Variants in CARMIL3 observed in about 807,000 individuals in gnomAD.
CARMIL3 encodes capping protein regulator and myosin 1 linker 3.
A neutral mutation model predicts 180.8 loss-of-function variants in CARMIL3; 88 were observed. The ratio of observed to expected loss-of-function variants is 0.49; its 90% CI spans 0.41 to 0.58. The LOEUF is 0.58. CARMIL3 is among the 20% of genes least tolerant of loss of function. CARMIL3 has a pLI of 0.00. For synonymous variants in CARMIL3, 696 were observed against 714.5 expected, an observed-to-expected ratio of 0.97 and a Z score of 0.41; for missense variants, 1,548 against 1,787.0, an observed-to-expected ratio of 0.87 and a Z score of 2.41.
chr14:24,053,542 A>G (rs1297387705), intron 1 of CARMIL3, among the ~76,000 whole-genome samples, 167 bp from the exon 2 acceptor site: 1 of 152,214 alleles, frequency 6.6e-6, no homozygotes, highest in African/African-American at 2.4e-5. Flanking sequence ...AGACAGTGTG[A>G]AAAGTCACCC....
intron 1 of CARMIL3, 41 bp downstream of exon 1, chr14:24,052,234 G>A: frequency 6.4e-7 from 1 of 1,552,528 alleles, no homozygotes; most frequent in Non-Finnish European, 8.7e-7. Flanking sequence ...CCGTCCGGGA[G>A]CATCCCAGAC....
chr14:24,052,104 CCGGCGG>C lies in CARMIL3; in HGVS notation c.-39_-34del. On this transcript the variant is annotated 5_prime_UTR_variant, in exon 1 of 40. Transcript: ENST00000342740. Reference sequence around the variant, plus strand: ...CGGGTCTAGCATGTGCCGCGGCTCCCCGGCGGCGGCGGCGGCTCCTCTGCAGCAGCC... The same window carrying C: ...CGGGTCTAGCATGTGCCGCGGCTCCCCGGCGGCGGCTCCTCTGCAGCAGCC... The C allele has an allele frequency of 6.6e-7, 1 of 1,522,012 alleles. No homozygotes were observed. 94.3% of individuals were successfully genotyped at this position (1,522,012 alleles called of 1,614,324 possible). A position where few individuals can be genotyped will look rare whatever the true frequency, so the allele number is the denominator to read the frequency against.
rs1158873328 is a variant in CARMIL3 at position 24,060,923 on chromosome 14, C to T, written c.2191-4C>T. The stretch of plus-strand genomic sequence containing the variant: ...CTGCTAATCATAACCCCTTCCTTCT[C>T]CAGCTGTTTCCCAGCCTCTATGAGC... On this transcript the variant is annotated splice_region_variant and splice_polypyrimidine_tract_variant and intron_variant, in intron 25 of 39. Coordinates refer to ENST00000342740, the MANE Select transcript of CARMIL3 (RefSeq NM_138360.4). 6.4e-7 allele frequency: 1 copy of T among 1,551,466 alleles called. No individual in the cohort carries two copies. Among genetic ancestry groups the T allele is most frequent in the Admixed American group, 2.0e-5 (1 of 50,998 alleles).
Position 24,061,736 on chromosome 14 carries a change from G to T in CARMIL3, c.2480+64G>T. The T allele has an allele frequency of 6.6e-7, 1 of 1,521,846 alleles. No homozygotes were observed. 94.3% of individuals were successfully genotyped at this position (1,521,846 alleles called of 1,614,324 possible). The stretch of plus-strand genomic sequence containing the variant: ...TGGCCCAGATCACTTAGGGACTTAG[G>T]ACTGGAGAGCTATCAGCAATGAATA... On this transcript the variant is annotated intron_variant, in intron 27 of 39. Coordinates refer to ENST00000342740, the MANE Select transcript of CARMIL3 (RefSeq NM_138360.4). The surrounding 1 kb of genome is among the most constrained non-coding windows in gnomAD (Gnocchi z 4.1).
rs2035686649 is a variant in CARMIL3, at chr14:24,057,795, C to T, written c.1141-8C>T. 1 of 1,607,546 alleles carries T rather than the reference C, an allele frequency of 6.2e-7. No homozygotes were observed. Among genetic ancestry groups the T allele is most frequent in the Non-Finnish European group, 8.5e-7 (1 of 1,179,256 alleles). On this transcript the variant is annotated splice_polypyrimidine_tract_variant and splice_region_variant and intron_variant, in intron 14 of 39. Transcript: ENST00000342740. ...CTCCCCTGAGACCCACCATATCTCC[C>T]CCCACAGCTTCTCGGTGCCCTGCTC...
chr14:24,059,239 G>A lies in CARMIL3; in HGVS notation c.1627-31G>A. The A allele has an allele frequency of 6.2e-7, 1 of 1,613,790 alleles. No homozygotes were observed. Among genetic ancestry groups the A allele is most frequent in the South Asian group, 1.1e-5 (1 of 91,068 alleles). On this transcript the variant is annotated intron_variant, in intron 20 of 39. Transcript: ENST00000342740. The surrounding 1 kb of genome is among the most constrained non-coding windows in gnomAD (Gnocchi z 6.3). Reference sequence around the variant, plus strand: ...ACCTGCAGTCGGAGGAGGCTGTGGGGACTGGGTCCAACCGCCCCTTGCCCA... The same window carrying A: ...ACCTGCAGTCGGAGGAGGCTGTGGGAACTGGGTCCAACCGCCCCTTGCCCA...
Position 24,052,049 on chromosome 14 carries a change from C to G in CARMIL3, c.-105C>G. The stretch of plus-strand genomic sequence containing the variant: ...ACCGGAGCGGGCTCGGCCGCTGCTG[C>G]AGCGCTCAGCGCCCGGGCCCTGCTG... On this transcript the variant is annotated 5_prime_UTR_variant, in exon 1 of 40. Transcript: ENST00000342740. 8.4e-7 allele frequency: 1 copy of G among 1,197,402 alleles called. No individual in the cohort carries two copies. Among genetic ancestry groups the G allele is most frequent in the Non-Finnish European group, 1.1e-6 (1 of 905,678 alleles). 74.2% of individuals were successfully genotyped at this position (1,197,402 alleles called of 1,614,324 possible). A position where few individuals can be genotyped will look rare whatever the true frequency, so the allele number is the denominator to read the frequency against.
intron 1 of CARMIL3, among the ~76,000 whole-genome samples, chr14:24,053,363 C>T (rs367632718): frequency 2.6e-5 from 4 of 152,172 alleles, no homozygotes; most frequent in South Asian, 4.2e-4. Flanking sequence ...TTGTATGTGT[C>T]AATGGCTGTT....
Position 24,062,853 on chromosome 14 carries a change from C to A in CARMIL3, c.2706+7C>A. ...TGAACTTGGGACCAACATTGTGAGC[C>A]CCCCGCTCCCTGCTCCTCCTTAATA... On this transcript the variant is annotated splice_region_variant and intron_variant, in intron 29 of 39. Transcript: ENST00000342740. 1 of 1,598,964 alleles carries A rather than the reference C, an allele frequency of 6.3e-7. No homozygotes were observed. The highest frequency in any genetic ancestry group is 1.1e-5 in the South Asian group (1 of 88,236).
At chr14:24,065,576 C>A in intron 33 of CARMIL3, 46 bp from the exon 34 acceptor site, 1 of 1,559,610 alleles carries the variant, frequency 6.4e-7, no homozygotes, top group Admixed American at 2.0e-5. Context: ...GCCTGGGGAG[C>A]CCCCTTCGAC....
rs1594549251 is a variant in CARMIL3, at chr14:24,058,070, G to C, written c.1322+6G>C. 6.2e-7 allele frequency: 1 copy of C among 1,613,816 alleles called. No homozygotes were observed. Among genetic ancestry groups the C allele is most frequent in the Non-Finnish European group, 8.5e-7 (1 of 1,180,016 alleles). ...CTGCCCCTGGAGGCCCTCAGGTCGG[G>C]TGGGTGCAGGGTTGGGGGCGCATCC... On this transcript the variant is annotated splice_donor_region_variant and intron_variant, in intron 16 of 39. Coordinates refer to ENST00000342740, the MANE Select transcript of CARMIL3 (RefSeq NM_138360.4). This position sits in a 1 kb window ranked among gnomAD's most constrained non-coding sequence, Gnocchi z 6.4.
chr14:24,064,254 A>G lies in CARMIL3; in HGVS notation c.2988A>G (p.Ala996=). Reference sequence around the variant, plus strand: ...GACTTTCCTCCCAGCAGATGCCAGCACCTGGGACTCGTCAGGAGAATGGGA... The same window carrying G: ...GACTTTCCTCCCAGCAGATGCCAGCGCCTGGGACTCGTCAGGAGAATGGGA... The part of the protein sequence containing the change: ...PPGPGRPSMP[A]PGTRQENGMA... The change falls in exon 32 of 40, where the codon GCA becomes GCG. Residue 996 remains alanine, a synonymous_variant. Transcript: ENST00000342740. The G allele has an allele frequency of 6.2e-7, 1 of 1,611,488 alleles. No individual in the cohort carries two copies. Among genetic ancestry groups the G allele is most frequent in the Non-Finnish European group, 8.5e-7 (1 of 1,178,828 alleles).
Position 24,058,688 on chromosome 14 carries a change from A to G in CARMIL3, c.1401A>G (p.Ser467=). 6.2e-7 allele frequency: 1 copy of G among 1,614,016 alleles called. No homozygotes were observed. Among genetic ancestry groups the G allele is most frequent in the East Asian group, 2.2e-5 (1 of 44,874 alleles). The change falls in exon 18 of 40, where the codon TCA becomes TCG. Residue 467 remains serine (S), a synonymous_variant. Coordinates refer to ENST00000342740, the MANE Select transcript of CARMIL3 (RefSeq NM_138360.4). The surrounding 1 kb of genome is among the most constrained non-coding windows in gnomAD (Gnocchi z 6.4). ...TCACCTTGTCCCTGCAGCTCCGTTC[A>G]GCGGGAGCCCAAGCCTTGCAGGAGC... is the stretch of plus-strand genomic sequence containing the variant. ...HLDLSSCELR[S]AGAQALQEQL... is the part of the protein sequence containing the mutation.
Position 24,059,811 on chromosome 14 carries a change from C to G in CARMIL3, c.1868+79C>G. On this transcript the variant is annotated intron_variant, in intron 22 of 39. Transcript: ENST00000342740. This position sits in a 1 kb window ranked among gnomAD's most constrained non-coding sequence, Gnocchi z 6.3. Reference sequence around the variant, plus strand: ...GATCAGGCCTGAACTACTCTTGCCCCACCCTAGCCCCTTTGACCTATTTGC... The same window carrying G: ...GATCAGGCCTGAACTACTCTTGCCCGACCCTAGCCCCTTTGACCTATTTGC... 4.5e-6 allele frequency: 7 copies of G among 1,552,416 alleles called. No individual in the cohort carries two copies. The highest frequency in any genetic ancestry group is 1.1e-5 in the South Asian group (1 of 89,504).
rs989135022 is a variant in CARMIL3 at position 24,054,724 on chromosome 14, C to T, written c.376C>T (p.Arg126Cys). The change falls in exon 6 of 40, where the codon CGT (arginine) becomes TGT (cysteine). Residue 126 changes from arginine (R) to cysteine (C), a missense_variant. Arg to Cys is a radical substitution (Grantham distance 180). Transcript: ENST00000342740. This position sits in a 1 kb window ranked among gnomAD's most constrained non-coding sequence, Gnocchi z 5.1. ...VCPGPGCLIR[R>C]GNADTPEGPR... ...TTTCTTTTCCAGGTGTTTGATCCGG[C>T]GTGGAAACGCAGACACCCCAGAGGG... 1.1e-5 allele frequency: 17 copies of T among 1,613,630 alleles called. No individual in the cohort carries two copies. The highest frequency in any genetic ancestry group is 3.3e-4 in the Middle Eastern group (2 of 6,084).
chr14:24,058,529 A>C lies in CARMIL3; in HGVS notation c.1393-151A>C. ...GAAGGGAGGGAAGCCAGCTCTAGGG[A>C]AGGATCTGGTGTGGGGAAAGAGTCT... On this transcript the variant is annotated intron_variant, in intron 17 of 39. Coordinates refer to ENST00000342740, the MANE Select transcript of CARMIL3 (RefSeq NM_138360.4). The surrounding 1 kb of genome is among the most constrained non-coding windows in gnomAD (Gnocchi z 6.4). 1.5e-6 allele frequency: 1 copy of C among 677,314 alleles called. No individual in the cohort carries two copies. Among genetic ancestry groups the C allele is most frequent in the Non-Finnish European group, 2.5e-6 (1 of 402,584 alleles). The allele number at this position is 677,314 out of a possible 1,614,324, so 42.0% of individuals were successfully genotyped here.
Position 24,062,788 on chromosome 14 carries a change from G to A in CARMIL3, c.2648G>A (p.Gly883Asp), listed in dbSNP as rs1345157771. 2.5e-6 allele frequency: 4 copies of A among 1,613,890 alleles called. No homozygotes were observed. Among genetic ancestry groups the A allele is most frequent in the Non-Finnish European group, 2.5e-6 (3 of 1,179,882 alleles). The change falls in exon 29 of 40, where the codon GGC (glycine) becomes GAC (aspartate). Residue 883 changes from glycine to aspartate, a missense_variant. Coordinates refer to ENST00000342740, the MANE Select transcript of CARMIL3 (RefSeq NM_138360.4). Reference protein sequence around the residue: ...PGQGQDLSSRGRGRNHDHEET... With the variant: ...PGQGQDLSSRDRGRNHDHEET... Reference sequence around the variant, plus strand: ...CAAGGGCAGGATCTGTCCTCCCGGGGCCGAGGCCGGAACCATGACCATGAG... The same window carrying A: ...CAAGGGCAGGATCTGTCCTCCCGGGACCGAGGCCGGAACCATGACCATGAG...
chr14:24,058,407 T>C lies in CARMIL3; in HGVS notation c.1392+183T>C, dbSNP rs1229030405. On this transcript the variant is annotated intron_variant, in intron 17 of 39. Transcript: ENST00000342740. This position sits in a 1 kb window ranked among gnomAD's most constrained non-coding sequence, Gnocchi z 6.4. ...CCAGAGGCCATTCATTCTCAGTCTC[T>C]AGTATCTCTGCCCTTAAAGCTTTGG... is the stretch of plus-strand genomic sequence containing the variant. Among the ~76,000 whole-genome samples the C allele has an allele frequency of 1.3e-5, 2 of 152,180 alleles. No individual in the cohort carries two copies. The highest frequency in any genetic ancestry group is 4.8e-5 in the African/African-American group (2 of 41,450).
chr14:24,055,185 G>A, intron 7 of CARMIL3, 49 bp downstream of exon 7: 1 of 1,614,018 alleles, frequency 6.2e-7, no homozygotes, highest in South Asian at 1.1e-5. Flanking sequence ...CTGGAGGGAA[G>A]GGGCTAAGAA....
Sources: gnomAD v4.1 joint callset for allele counts (sites outside exome capture counted in the v4.1 genomes callset) on GRCh38, gnomAD v4.1.1 for gene constraint, Gnocchi (gnomAD v3.1) non-coding constraint, MANE v1.5 for transcripts, NCBI Gene and HGNC (gene_info 2026-07-23, HGNC 2026-07-21) for gene names.